Variants in ARMC3 observed in about 807,000 individuals in gnomAD.
ARMC3 encodes armadillo repeat containing 3.
In ARMC3, 74 loss-of-function variants were observed where a neutral mutation model predicts 90.3. That is an observed-to-expected ratio of 0.82 (90% CI 0.68 to 0.99). The LOEUF (loss-of-function observed/expected upper bound fraction) is 0.99. Ranked by LOEUF, ARMC3 falls within the 50% of genes least tolerant of loss-of-function variation. ARMC3 has a pLI of 0.00. For missense variants in ARMC3, 958 were observed against 1,042.8 expected (o/e 0.92, Z 1.12); for synonymous variants, 334 against 361.8 (o/e 0.92, Z 0.87).
chr10:23,005,735 G>A (rs2364844), intron 13 of ARMC3, among the ~76,000 whole-genome samples: 28,496 of 151,922 alleles, frequency 0.19, 2,840 homozygotes, highest in African/African-American at 0.23. Flanking sequence ...ATGGTGGCAC[G>A]CACCTGTAAT....
Position 22,971,604 on chromosome 10 carries a change from C to T in ARMC3, c.916+3115C>T, listed in dbSNP as rs529338391. 2.0e-5 allele frequency among the ~76,000 whole-genome samples: 3 copies of T among 152,050 alleles called. No homozygotes were observed. In the South Asian group the frequency reaches 6.2e-4, roughly 32 times the overall value. On this transcript the variant is annotated intron_variant, in intron 8 of 18. Transcript: ENST00000298032. ...TACAGGCACGCACCACCACACCCAG[C>T]TAATTTTTGTATTTGTAGTAGAGAC... is the stretch of plus-strand genomic sequence containing the variant.
intron 10 of ARMC3, chr10:22,997,257 C>G (rs1195309617): frequency 6.6e-6 from 1 of 152,172 alleles, no homozygotes; most frequent in Non-Finnish European, 1.5e-5. Flanking sequence ...CAGCTGGTGT[C>G]TGGAGCCCTT....
chr10:23,036,152 T>C (rs548412748), intron 18 of ARMC3, among the ~76,000 whole-genome samples: 15 of 152,318 alleles, frequency 9.8e-5, no homozygotes, highest in African/African-American at 3.1e-4. Flanking sequence ...GGAGTGTTAC[T>C]TTTGGAAACA....
intron 16 of ARMC3, among the ~76,000 whole-genome samples, chr10:23,027,909 G>C (rs989065263): frequency 5.3e-5 from 8 of 152,100 alleles, no homozygotes; most frequent in African/African-American, 1.9e-4. Flanking sequence ...GGGAGGCCAA[G>C]GCAGGAGTTT....
At chr10:22,981,214 G>A (rs1156537947) in intron 8 of ARMC3, 126 bp from the exon 9 acceptor site, 2 of 838,502 alleles carry the variant, frequency 2.4e-6, no homozygotes, top group African/African-American at 3.5e-5. Context: ...ATTTTGTCTA[G>A]TTTAGACTCT....
chr10:22,947,270 C>A (rs2131192728), intron 3 of ARMC3, among the ~76,000 whole-genome samples: 1 of 151,866 alleles, frequency 6.6e-6, no homozygotes, highest in East Asian at 1.9e-4. Flanking sequence ...TGTGCCACTG[C>A]ACTCCAGCCT....
intron 2 of ARMC3, among the ~76,000 whole-genome samples, chr10:22,942,040 T>C (rs143206872): frequency 6.7e-4 from 102 of 152,328 alleles, no homozygotes; most frequent in African/African-American, 2.4e-3. Context: ...AAGATTCATC[T>C]GATGAAAAGA....
At chr10:22,970,803 G>A (rs1429534029) in intron 8 of ARMC3, among the ~76,000 whole-genome samples, 2 of 152,180 alleles carry the variant, frequency 1.3e-5, no homozygotes, top group East Asian at 3.8e-4. Context: ...AAGTAAAATG[G>A]TGCCACTCAC....
At position 22,959,052 on chromosome 10, in the gene ARMC3, C is replaced by T. The variant is rs772279420; in HGVS notation, c.293-18C>T. The T allele has an allele frequency of 6.4e-6, 10 of 1,564,124 alleles. No individual in the cohort carries two copies. The African/African-American group carries it at 1.2e-4, about 19-fold the overall frequency. Reference sequence around the variant, plus strand: ...ATTATTATTAATAAACATCAATACTCTGTTTCTTCCTTTGTAGATGATGTT... The same window carrying T: ...ATTATTATTAATAAACATCAATACTTTGTTTCTTCCTTTGTAGATGATGTT... On this transcript the variant is annotated intron_variant, in intron 4 of 18. Transcript: ENST00000298032.
chr10:23,015,953 A>G (rs1157680272), intron 16 of ARMC3, among the ~76,000 whole-genome samples: 2 of 152,142 alleles, frequency 1.3e-5, no homozygotes, highest in Non-Finnish European at 2.9e-5. Flanking sequence ...CTTTGCCTTC[A>G]TAGAACTTAC....
intron 2 of ARMC3, among the ~76,000 whole-genome samples, chr10:22,943,968 C>A (rs921389219): frequency 2.0e-5 from 3 of 152,002 alleles, no homozygotes; most frequent in African/African-American, 7.2e-5. Flanking sequence ...TGATTCACAT[C>A]ATCTGCAGCA....
intron 4 of ARMC3, among the ~76,000 whole-genome samples, chr10:22,956,173 C>G (rs1834929203): frequency 6.6e-6 from 1 of 152,132 alleles, no homozygotes; most frequent in African/African-American, 2.4e-5. Context: ...GTGATGTAGT[C>G]CTACAAGCTG....
At chr10:22,976,078 A>G (rs973699389) in intron 8 of ARMC3, among the ~76,000 whole-genome samples, 5 of 152,180 alleles carry the variant, frequency 3.3e-5, no homozygotes, top group Admixed American at 6.5e-5. Flanking sequence ...ATAATGCAGT[A>G]TTGCAACGCC....
chr10:22,970,980 G>T (rs1835656711), intron 8 of ARMC3, among the ~76,000 whole-genome samples: 1 of 152,112 alleles, frequency 6.6e-6, no homozygotes, highest in South Asian at 2.1e-4. Context: ...TTTTTGTGGT[G>T]CTGTCCATCC....
Position 22,962,046 on chromosome 10 carries a change from T to C in ARMC3, c.700T>C (p.Leu234=). 1.3e-6 allele frequency: 2 copies of C among 1,594,658 alleles called. No homozygotes were observed. Among genetic ancestry groups the C allele is most frequent in the South Asian group, 1.1e-5 (1 of 87,468 alleles). Residue 234 remains leucine, a synonymous_variant, in exon 7 of 19, where the codon TTG becomes CTG. Transcript: ENST00000298032. ...SRTMLRDNQG[L]DHLIKILETK... ...AACAATGCTAAGAGACAATCAAGGA[T>C]TGGACCATCTTATTAAGATCCTAGA... is the stretch of plus-strand genomic sequence containing the variant.
intron 2 of ARMC3, among the ~76,000 whole-genome samples, chr10:22,937,539 C>T (rs1834158844): frequency 1.3e-5 from 2 of 152,152 alleles, no homozygotes; most frequent in South Asian, 4.1e-4. Flanking sequence ...TGATCTAAGG[C>T]TGTGGTTCTT....
chr10:22,975,558 TC>T (rs1226238655), intron 8 of ARMC3, among the ~76,000 whole-genome samples: 3 of 152,082 alleles, frequency 2.0e-5, no homozygotes, highest in Non-Finnish European at 4.4e-5. Flanking sequence ...ACAGAGAAAG[TC>T]CATCTCAAAA....
chr10:23,003,261 T>C lies in ARMC3; in HGVS notation c.1578T>C (p.Leu526=). The change falls in exon 13 of 19, where the codon CTT becomes CTC. Residue 526 remains leucine (L), a synonymous_variant. Coordinates refer to ENST00000298032, the MANE Select transcript of ARMC3 (RefSeq NM_173081.5). ...TTATTGACAGGGCTTTAGATATCCTTGAAGAAGTTAACGTATCAGGAACTC... is the reference window on the plus strand; with the variant it reads ...TTATTGACAGGGCTTTAGATATCCTCGAAGAAGTTAACGTATCAGGAACTC... The part of the protein sequence containing the change: ...ELCRLGALDI[L]EEVNVSGTRK... The C allele has an allele frequency of 6.2e-7, 1 of 1,612,554 alleles. No individual in the cohort carries two copies. Among genetic ancestry groups the C allele is most frequent in the Non-Finnish European group, 8.5e-7 (1 of 1,179,560 alleles).
chr10:23,038,140 G>T lies in ARMC3; in HGVS notation c.*661G>T, dbSNP rs1448015947. The stretch of plus-strand genomic sequence containing the variant: ...CATACCTTCAGCTAAAAACAATTCT[G>T]ATTTGCTCTTCCACATTTTAATGCT... On this transcript the variant is annotated 3_prime_UTR_variant, in exon 19 of 19. Coordinates refer to ENST00000298032, the MANE Select transcript of ARMC3 (RefSeq NM_173081.5). The T allele has an allele frequency of 6.6e-6, 1 of 152,062 alleles. No homozygotes were observed. The highest frequency in any genetic ancestry group is 1.5e-5 in the Non-Finnish European group (1 of 68,014). The allele number at this position is 152,062 out of a possible 1,614,324, so 9.4% of individuals were successfully genotyped here.
Sources: gnomAD v4.1 joint callset for allele counts (sites outside exome capture counted in the v4.1 genomes callset) on GRCh38, gnomAD v4.1.1 for gene constraint, MANE v1.5 for transcripts, NCBI Gene and HGNC (gene_info 2026-07-23, HGNC 2026-07-21) for gene names.